SH3BGRL2: variants seen among roughly 807,000 people sequenced by gnomAD.
SH3BGRL2 encodes the protein SH3 domain binding glutamate rich protein like 2.
Under a neutral mutation model 14.8 loss-of-function variants are expected in SH3BGRL2, and 21 were observed. The observed-to-expected ratio is 1.42, with a 90% CI of 1.01 to 2.05. The LOEUF (loss-of-function observed/expected upper bound fraction) is 2.05. Among genes scored for constraint, SH3BGRL2 ranks in the 30% most tolerant of loss-of-function variants. SH3BGRL2 has a pLI of 0.00. For missense variants in SH3BGRL2, 147 were observed against 130.8 expected, an observed-to-expected ratio of 1.12 and a Z score of -0.61; for synonymous variants, 50 against 47.8, an observed-to-expected ratio of 1.05 and a Z score of -0.19.
At chr6:79,695,170 C>A (rs748952101) in intron 2 of SH3BGRL2, among the ~76,000 whole-genome samples, 8 of 152,154 alleles carry the variant, frequency 5.3e-5, no homozygotes, top group Non-Finnish European at 1.0e-4. Flanking sequence ...CAGATGTAAG[C>A]TTAAATGCCA....
the SH3BGRL2 span, among the ~76,000 whole-genome samples, chr6:79,564,027 A>T: frequency 1.3e-5 from 2 of 152,306 alleles, no homozygotes; most frequent in East Asian, 3.9e-4. Context: ...AGACTGGAAA[A>T]ATGTTGAGCA....
the SH3BGRL2 span, among the ~76,000 whole-genome samples, chr6:79,610,068 C>T: frequency 6.6e-5 from 10 of 152,180 alleles, no homozygotes; most frequent in Admixed American, 1.3e-4. Flanking sequence ...AGTTTACATT[C>T]GCTCCTTCAA....
the SH3BGRL2 span, among the ~76,000 whole-genome samples, chr6:79,599,700 A>G: frequency 6.6e-6 from 1 of 152,174 alleles, no homozygotes; most frequent in Non-Finnish European, 1.5e-5. Flanking sequence ...ATTGGCTAGG[A>G]CGGGGCAGAC....
chr6:79,547,190 C>T, the SH3BGRL2 span, among the ~76,000 whole-genome samples: 1 of 151,884 alleles, frequency 6.6e-6, no homozygotes, highest in African/African-American at 2.4e-5. Context: ...CCAGACTGTC[C>T]ACAGTCTGGT....
chr6:79,582,528 A>G, the SH3BGRL2 span, among the ~76,000 whole-genome samples: 78 of 152,320 alleles, frequency 5.1e-4, 2 homozygotes, highest in East Asian at 0.014. Flanking sequence ...AAACACAAGC[A>G]ATGGGAAAAG....
At chr6:79,549,982 C>T in the SH3BGRL2 span, among the ~76,000 whole-genome samples, 2 of 151,878 alleles carry the variant, frequency 1.3e-5, no homozygotes, top group East Asian at 3.9e-4. Flanking sequence ...TTTAAATGCA[C>T]AGTAAAAGAA....
chr6:79,659,240 T>G (rs1769489158), intron 1 of SH3BGRL2, among the ~76,000 whole-genome samples: 1 of 152,240 alleles, frequency 6.6e-6, no homozygotes, highest in African/African-American at 2.4e-5. Flanking sequence ...TGGTATTGAC[T>G]AGGTTTTCTT....
chr6:79,621,817 G>A, the SH3BGRL2 span, among the ~76,000 whole-genome samples: 1 of 152,112 alleles, frequency 6.6e-6, no homozygotes, highest in Non-Finnish European at 1.5e-5. Context: ...TCTGACCAGT[G>A]AGATATAAGA....
At chr6:79,605,112 A>G in the SH3BGRL2 span, among the ~76,000 whole-genome samples, 6 of 152,148 alleles carry the variant, frequency 3.9e-5, no homozygotes, top group African/African-American at 1.4e-4. Context: ...GCTTCTGCTT[A>G]AAGTTTTTAA....
chr6:79,584,757 G>A, the SH3BGRL2 span, among the ~76,000 whole-genome samples: 1 of 152,064 alleles, frequency 6.6e-6, no homozygotes, highest in Non-Finnish European at 1.5e-5. Context: ...TTTAAGGACT[G>A]GTAATGTCCA....
the SH3BGRL2 span, among the ~76,000 whole-genome samples, chr6:79,621,947 C>T: frequency 0.59 from 88,880 of 151,678 alleles, 27,105 homozygotes; most frequent in East Asian, 0.91. Context: ...ATATTTGAGG[C>T]TGTGGCAATC....
At chr6:79,573,094 ATTC>A in the SH3BGRL2 span, among the ~76,000 whole-genome samples, 1 of 152,226 alleles carries the variant, frequency 6.6e-6, no homozygotes, top group African/African-American at 2.4e-5. Context: ...GCACAAAAAT[ATTC>A]TTCTATACTT....
At chr6:79,570,667 A>G in the SH3BGRL2 span, among the ~76,000 whole-genome samples, 2 of 152,332 alleles carry the variant, frequency 1.3e-5, no homozygotes, top group East Asian at 3.9e-4. Flanking sequence ...CTGTTTCAAA[A>G]GTAACCTGGC....
intron 2 of SH3BGRL2, among the ~76,000 whole-genome samples, chr6:79,687,649 C>G (rs1432331518): frequency 6.6e-6 from 1 of 152,198 alleles, no homozygotes; most frequent in African/African-American, 2.4e-5. Context: ...TCAAGAACTT[C>G]TGCTTAGAGG....
chr6:79,569,670 C>A, the SH3BGRL2 span, among the ~76,000 whole-genome samples: 1 of 152,098 alleles, frequency 6.6e-6, no homozygotes, highest in South Asian at 2.1e-4. Flanking sequence ...AGGCCAACAA[C>A]TTTTTTCAGG....
At chr6:79,555,713 T>G in the SH3BGRL2 span, among the ~76,000 whole-genome samples, 1 of 152,034 alleles carries the variant, frequency 6.6e-6, no homozygotes, top group Non-Finnish European at 1.5e-5. Context: ...TTTCACCATG[T>G]TGGCCAGGAT....
At chr6:79,680,308 C>G (rs1769964151) in intron 2 of SH3BGRL2, among the ~76,000 whole-genome samples, 2 of 151,968 alleles carry the variant, frequency 1.3e-5, no homozygotes, top group South Asian at 4.2e-4. Flanking sequence ...ATGTAGATAC[C>G]CAGTTTTCCC....
At chr6:79,581,519 A>G in the SH3BGRL2 span, among the ~76,000 whole-genome samples, 3 of 152,216 alleles carry the variant, frequency 2.0e-5, no homozygotes, top group African/African-American at 7.2e-5. Flanking sequence ...CATCACATAA[A>G]CAGAACCAAT....
intron 1 of SH3BGRL2, among the ~76,000 whole-genome samples, chr6:79,647,539 C>T (rs983832192): frequency 6.6e-6 from 1 of 152,024 alleles, no homozygotes; most frequent in Admixed American, 6.6e-5. Context: ...GATCCTTCCC[C>T]CCAAACAACT....
Sources: gnomAD v4.1 joint callset for allele counts (sites outside exome capture counted in the v4.1 genomes callset) on GRCh38, gnomAD v4.1.1 for gene constraint, MANE v1.5 for transcripts, NCBI Gene and HGNC (gene_info 2026-07-23, HGNC 2026-07-21) for gene names.